The following FLNB variants were observed in gnomAD, a reference collection of about 807,000 sequenced individuals.
FLNB encodes filamin B.
FLNB carries 111 observed loss-of-function variants against 250.6 expected under a neutral mutation model. The ratio of observed to expected loss-of-function variants is 0.44; its 90% CI spans 0.38 to 0.52. The LOEUF (loss-of-function observed/expected upper bound fraction) is 0.52, where lower values mean the gene tolerates loss of function less well. Ranked by LOEUF, FLNB falls within the 20% of genes least tolerant of loss-of-function variation. The probability of loss-of-function intolerance (pLI) is 0.00; values close to 1 mark genes in which losing one functional copy is unlikely to be tolerated. For synonymous variants in FLNB, 1,302 were observed against 1,372.1 expected (o/e 0.95, Z 1.13); for missense variants, 2,869 against 3,447.8 (o/e 0.83, Z 4.20).
intron 1 of FLNB, among the ~76,000 whole-genome samples, chr3:58,067,570 A>AG (rs2097187474): frequency 8.2e-6 from 1 of 121,444 alleles, no homozygotes; most frequent in Non-Finnish European, 1.7e-5. Flanking sequence ...TGTAACAAAG[A>AG]GGTTTTTTTT....
Position 58,037,577 on chromosome 3 carries a change from GC to G in FLNB, c.292+28726del. ...TTTCCCTCGTGAAGTCCTCTCGAAAGCCCCCAGGTAGAATTATTCATTTTTT... is the reference window on the plus strand; with the variant it reads ...TTTCCCTCGTGAAGTCCTCTCGAAAGCCCCAGGTAGAATTATTCATTTTTT... On this transcript the variant is annotated intron_variant, in intron 1 of 45. Transcript: ENST00000295956. Among the ~76,000 whole-genome samples, 2 of 152,244 alleles carry G rather than the reference GC, an allele frequency of 1.3e-5. 1 individual carries two copies. The highest frequency in any genetic ancestry group is 4.2e-4 in the South Asian group (2 of 4,816).
chr3:58,013,650 C>G (rs2097102027), intron 1 of FLNB, among the ~76,000 whole-genome samples: 1 of 152,114 alleles, frequency 6.6e-6, no homozygotes, highest in South Asian at 2.1e-4. Context: ...CATGGAGAAA[C>G]CCCATCTCTA....
At chr3:58,136,204 C>T (rs909136407) in intron 28 of FLNB, 36 bp downstream of exon 28, 2 of 1,608,664 alleles carry the variant, frequency 1.2e-6, no homozygotes, top group Non-Finnish European at 1.7e-6. Flanking sequence ...GGGGCACAGG[C>T]TTTGCAATCA....
At chr3:58,127,988 C>T (rs967396531) in intron 24 of FLNB, among the ~76,000 whole-genome samples, 4 of 152,068 alleles carry the variant, frequency 2.6e-5, no homozygotes, top group Admixed American at 6.6e-5. Flanking sequence ...GACAGAAGAC[C>T]GAGGGCTGGG....
chr3:58,084,555 T>A (rs6445943), intron 4 of FLNB, among the ~76,000 whole-genome samples: 52,534 of 147,862 alleles, frequency 0.36, 10,741 homozygotes, highest in East Asian at 0.92. Context: ...CACACCCTTT[T>A]AAAAAAAAAT....
chr3:58,009,811 G>A (rs1333372231), intron 1 of FLNB, among the ~76,000 whole-genome samples: 1 of 152,154 alleles, frequency 6.6e-6, no homozygotes, highest in Non-Finnish European at 1.5e-5. Flanking sequence ...TGAAAGGAGG[G>A]AGGGAATTGG....
intron 1 of FLNB, among the ~76,000 whole-genome samples, chr3:58,016,984 G>T (rs1437548350): frequency 1.3e-5 from 2 of 152,158 alleles, no homozygotes; most frequent in African/African-American, 2.4e-5. Context: ...TCAGGTTATT[G>T]TATAATAAAC....
intron 4 of FLNB, among the ~76,000 whole-genome samples, chr3:58,084,215 T>G (rs1255791608): frequency 6.6e-6 from 1 of 151,608 alleles, no homozygotes; most frequent in African/African-American, 2.4e-5. Flanking sequence ...AAAAAGTGCT[T>G]TCTTTAAGGC....
intron 5 of FLNB, among the ~76,000 whole-genome samples, chr3:58,095,877 G>C (rs552414252): frequency 7.9e-5 from 12 of 152,278 alleles, no homozygotes; most frequent in African/African-American, 2.9e-4. Flanking sequence ...TAAGTTTCTT[G>C]CTTCATATTC....
intron 1 of FLNB, among the ~76,000 whole-genome samples, chr3:58,032,916 G>A (rs1331465900): frequency 6.6e-6 from 1 of 151,772 alleles, no homozygotes; most frequent in South Asian, 2.1e-4. Context: ...TCCCTTCCCC[G>A]CCAAAAAAAA....
intron 24 of FLNB, among the ~76,000 whole-genome samples, chr3:58,129,021 C>A (rs1211555553): frequency 6.6e-6 from 1 of 152,100 alleles, no homozygotes; most frequent in Non-Finnish European, 1.5e-5. Context: ...CTAAGGCAAC[C>A]TATGGGGGTA....
At position 58,123,083 on chromosome 3, in the gene FLNB, G is replaced by T. The variant is rs770380833; in HGVS notation, c.3127-10G>T. 4 of 1,613,030 alleles carry T rather than the reference G, an allele frequency of 2.5e-6. No individual in the cohort carries two copies. In the East Asian group the frequency reaches 8.9e-5, roughly 36 times the overall value. ...CCAGTGCAGTTTGACTTTATTCTTT[G>T]CTCAAATAGGTGAAGGCCCACGGTC... On this transcript the variant is annotated splice_polypyrimidine_tract_variant and intron_variant, in intron 20 of 45. Coordinates refer to ENST00000295956, the MANE Select transcript of FLNB (RefSeq NM_001457.4).
intron 7 of FLNB, 104 bp from the exon 8 acceptor site, chr3:58,098,607 A>G (rs1265958969): frequency 1.8e-6 from 2 of 1,094,340 alleles, no homozygotes; most frequent in Non-Finnish European, 2.8e-6. Context: ...TGCTGGGATT[A>G]CAAGCATGAG....
At chr3:58,111,116 T>C (rs1002127976) in intron 16 of FLNB, among the ~76,000 whole-genome samples, 1 of 152,246 alleles carries the variant, frequency 6.6e-6, no homozygotes, top group Admixed American at 6.5e-5. Context: ...TGTTCTACTT[T>C]GATGCCTTTG....
chr3:58,118,463 C>G (rs1291234103), intron 18 of FLNB, among the ~76,000 whole-genome samples: 1 of 152,120 alleles, frequency 6.6e-6, no homozygotes, highest in Non-Finnish European at 1.5e-5. Context: ...GGGTATGAGG[C>G]CCAGCTCGCA....
chr3:58,071,777 T>A (rs2097194963), intron 1 of FLNB, among the ~76,000 whole-genome samples: 1 of 150,136 alleles, frequency 6.7e-6, no homozygotes. Context: ...GGAACTGACC[T>A]CTGGGAACTC....
At position 58,118,819 on chromosome 3, in the gene FLNB, C is replaced by T. The variant is rs1021345517; in HGVS notation, c.2746-53C>T. Reference sequence around the variant, plus strand: ...GGGATCTTGAGGGGATTTTAAATGCCAAGTTAGCTTTTTGGTACCCAAAGG... The same window carrying T: ...GGGATCTTGAGGGGATTTTAAATGCTAAGTTAGCTTTTTGGTACCCAAAGG... On this transcript the variant is annotated intron_variant, in intron 18 of 45. Transcript: ENST00000295956. 8.8e-6 allele frequency: 12 copies of T among 1,357,912 alleles called. No homozygotes were observed. In the Admixed American group the frequency reaches 1.2e-4, roughly 13 times the overall value. The allele number at this position is 1,357,912 out of a possible 1,614,324, so 84.1% of individuals were successfully genotyped here.
At chr3:58,129,079 G>T (rs553376663) in intron 24 of FLNB, among the ~76,000 whole-genome samples, 1 of 152,212 alleles carries the variant, frequency 6.6e-6, no homozygotes, top group African/African-American at 2.4e-5. Context: ...TTGCTTTCAT[G>T]GTAATTCTGG....
intron 25 of FLNB, chr3:58,131,841 G>C: frequency 1.1e-6 from 1 of 910,350 alleles, no homozygotes; most frequent in Non-Finnish European, 1.7e-6. Flanking sequence ...GTGAATGAGA[G>C]AGGGAGAAAA....
Sources: allele counts gnomAD v4.1 joint callset (sites outside exome capture counted in the v4.1 genomes callset), GRCh38; gene constraint gnomAD v4.1.1; transcripts MANE v1.5; gene names NCBI Gene and HGNC (gene_info 2026-07-23, HGNC 2026-07-21).